Variants in COMMD1 observed in about 807,000 individuals in gnomAD.
COMMD1 encodes copper metabolism domain containing 1, also known as COMM domain-containing protein 1.
A neutral mutation model predicts 17.2 loss-of-function variants in COMMD1; 10 were observed. The observed-to-expected ratio is 0.58, with a 90% confidence interval of 0.36 to 0.99. COMMD1 has a LOEUF of 0.99. COMMD1 is among the 50% of genes least tolerant of loss of function. The pLI, the probability that COMMD1 is intolerant of heterozygous loss-of-function variation, is 0.01. For missense variants in COMMD1, 270 were observed against 231.8 expected, an observed-to-expected ratio of 1.17 and a Z score of -1.07; for synonymous variants, 97 against 91.6, an observed-to-expected ratio of 1.06 and a Z score of -0.34.
At chr2:62,084,948 TG>T (rs1044458352) in intron 2 of COMMD1, 2 of 152,232 alleles carry the variant, frequency 1.3e-5, no homozygotes, top group African/African-American at 4.8e-5. Flanking sequence ...ATAAGTCTAC[TG>T]GTCATTGGTA....
chr2:61,983,305 T>A (rs1672007055), intron 1 of COMMD1, among the ~76,000 whole-genome samples: 1 of 151,756 alleles, frequency 6.6e-6, no homozygotes, highest in Admixed American at 6.6e-5. Context: ...TTCTCCTGCC[T>A]CAGCCTCCTG....
At chr2:62,126,288 G>C (rs1271853054) in intron 2 of COMMD1, among the ~76,000 whole-genome samples, 1 of 152,184 alleles carries the variant, frequency 6.6e-6, no homozygotes, top group Non-Finnish European at 1.5e-5. Context: ...TATATACCCA[G>C]TAAGGGGATT....
intron 2 of COMMD1, among the ~76,000 whole-genome samples, chr2:62,019,999 A>G (rs1483907292): frequency 6.6e-6 from 1 of 152,192 alleles, no homozygotes; most frequent in Non-Finnish European, 1.5e-5. Context: ...ACCCCCTCCT[A>G]TTATTCTGCA....
rs748583508 is a variant in COMMD1 at position 62,000,740 on chromosome 2, G to A, written c.220G>A (p.Ala74Thr). ...AGACATGGATTTCAACCAGCTGGAG[G>A]CATTCTTGACTGCTCAAACCAAAAA... ...SADMDFNQLEAFLTAQTKKQG... is the reference protein window; with the variant it reads ...SADMDFNQLETFLTAQTKKQG... The change falls in exon 2 of 3, where the codon GCA (alanine) becomes ACA (threonine). Residue 74 changes from alanine to threonine, a missense_variant. Physicochemically the swap from Ala to Thr is moderately conservative, Grantham distance 58. Coordinates refer to ENST00000311832, the MANE Select transcript of COMMD1 (RefSeq NM_152516.4). The A allele has an allele frequency of 6.2e-7, 1 of 1,614,014 alleles. No homozygotes were observed. The highest frequency in any genetic ancestry group is 8.5e-7 in the Non-Finnish European group (1 of 1,180,028).
At chr2:61,904,530 A>G (rs924324826), upstream of COMMD1, among the ~76,000 whole-genome samples, 10 of 152,196 alleles carry the variant, frequency 6.6e-5, no homozygotes, top group Non-Finnish European at 1.5e-4. Flanking sequence ...TTGCATTTGT[A>G]GAAGTCACAG....
chr2:62,085,852 G>C (rs772208928), intron 2 of COMMD1, among the ~76,000 whole-genome samples: 1 of 151,962 alleles, frequency 6.6e-6, no homozygotes, highest in Non-Finnish European at 1.5e-5. Context: ...ATGGTGGCGG[G>C]CGCCTGTCCC....
chr2:61,990,366 T>C (rs1667109627), intron 1 of COMMD1, among the ~76,000 whole-genome samples: 1 of 152,174 alleles, frequency 6.6e-6, no homozygotes, highest in African/African-American at 2.4e-5. Flanking sequence ...TTAGAGATAA[T>C]TATAGTTTGA....
chr2:61,971,337 G>A (rs1486361761), intron 1 of COMMD1, among the ~76,000 whole-genome samples: 8 of 152,090 alleles, frequency 5.3e-5, no homozygotes, highest in Non-Finnish European at 8.8e-5. Flanking sequence ...AACTAATCCC[G>A]GTTGGCTAAA....
At chr2:62,046,488 T>G (rs1417615291) in intron 2 of COMMD1, among the ~76,000 whole-genome samples, 1 of 152,212 alleles carries the variant, frequency 6.6e-6, no homozygotes, top group African/African-American at 2.4e-5. Flanking sequence ...CTATGACTTG[T>G]AAGAGAATTG....
chr2:62,099,744 A>G (rs1199611920), intron 2 of COMMD1, among the ~76,000 whole-genome samples: 1 of 151,976 alleles, frequency 6.6e-6, no homozygotes, highest in Non-Finnish European at 1.5e-5. Context: ...AGAGGGCTCA[A>G]AACACCAGGC....
intron 1 of COMMD1, among the ~76,000 whole-genome samples, chr2:61,890,477 C>T (rs1669401536): frequency 6.6e-6 from 1 of 152,060 alleles, no homozygotes; most frequent in African/African-American, 2.4e-5. Context: ...CCTCGGCTTC[C>T]CAAAGTGCTA....
intron 2 of COMMD1, among the ~76,000 whole-genome samples, chr2:62,112,086 G>A (rs887128281): frequency 4.6e-5 from 7 of 152,204 alleles, no homozygotes; most frequent in African/African-American, 1.7e-4. Flanking sequence ...AGCAAGCACA[G>A]AAATCCAGAT....
chr2:61,952,127 C>G (rs184013164), intron 1 of COMMD1, among the ~76,000 whole-genome samples: 39 of 152,304 alleles, frequency 2.6e-4, no homozygotes, highest in Non-Finnish European at 4.3e-4. Flanking sequence ...GCTATCTTTG[C>G]TCATTCCTGG....
At chr2:61,948,900 A>G (rs1670982058) in intron 1 of COMMD1, among the ~76,000 whole-genome samples, 2 of 152,126 alleles carry the variant, frequency 1.3e-5, no homozygotes, top group Non-Finnish European at 2.9e-5. Context: ...GACTACAGGG[A>G]CTTGAGGAGG....
intron 2 of COMMD1, among the ~76,000 whole-genome samples, chr2:62,084,661 C>T (rs755838039): frequency 1.3e-5 from 2 of 152,284 alleles, no homozygotes; most frequent in South Asian, 4.1e-4. Context: ...AAAAATATGT[C>T]ACCATCAGTT....
intron 2 of COMMD1, among the ~76,000 whole-genome samples, chr2:62,063,630 A>G (rs1389204002): frequency 6.6e-6 from 1 of 152,040 alleles, no homozygotes; most frequent in African/African-American, 2.4e-5. Context: ...TCGGTAAAAA[A>G]TTACTTTTGG....
intron 1 of COMMD1, among the ~76,000 whole-genome samples, chr2:61,912,122 CA>C (rs2105179433): frequency 6.6e-6 from 1 of 152,164 alleles, no homozygotes; most frequent in Non-Finnish European, 1.5e-5. Context: ...ATGTATTTAT[CA>C]GCTTATTTAT....
At chr2:61,963,169 AATATAT>A (rs1213442635) in intron 1 of COMMD1, among the ~76,000 whole-genome samples, 8 of 143,506 alleles carry the variant, frequency 5.6e-5, no homozygotes, top group Non-Finnish European at 1.1e-4. Context: ...CAAAAAAAAA[AATATAT>A]ATATATATAT....
At chr2:62,074,243 T>C (rs1671277286) in intron 2 of COMMD1, among the ~76,000 whole-genome samples, 1 of 152,186 alleles carries the variant, frequency 6.6e-6, no homozygotes, top group Non-Finnish European at 1.5e-5. Flanking sequence ...ATAGGCATGA[T>C]TGATTGAAGG....
Sources: gnomAD v4.1 joint callset for allele counts (sites outside exome capture counted in the v4.1 genomes callset) on GRCh38, gnomAD v4.1.1 for gene constraint, MANE v1.5 for transcripts, NCBI Gene and HGNC (gene_info 2026-07-23, HGNC 2026-07-21) for gene names.